Variants in SLC6A17 observed in about 807,000 individuals in gnomAD.
SLC6A17 encodes sodium-dependent neutral amino acid transporter SLC6A17.
Under a neutral mutation model 64.5 loss-of-function variants are expected in SLC6A17, and 21 were observed. That is an observed-to-expected ratio of 0.33 (90% CI 0.23 to 0.47). The LOEUF is 0.47. SLC6A17 is among the 20% of genes least tolerant of loss of function. The pLI is 1.00. For synonymous variants in SLC6A17, 372 were observed against 399.5 expected (o/e 0.93, Z 0.82); for missense variants, 682 against 963.2 (o/e 0.71, Z 3.86).
intron 1 of SLC6A17, among the ~76,000 whole-genome samples, chr1:110,160,265 G>T (rs764442311): frequency 6.6e-6 from 1 of 152,214 alleles, no homozygotes; most frequent in Non-Finnish European, 1.5e-5. Flanking sequence ...GCAGACTTCC[G>T]GTAGGTTCAA....
Position 110,191,981 on chromosome 1 carries a change from A to G in SLC6A17, c.874A>G (p.Met292Val), listed in dbSNP as rs1354701046. The G allele has an allele frequency of 6.8e-6, 11 of 1,613,848 alleles. No homozygotes were observed. Among genetic ancestry groups the G allele is most frequent in the Non-Finnish European group, 9.3e-6 (11 of 1,179,802 alleles). ...LHMFTPKLDKMLDPQVWREAA... is the reference protein window; with the variant it reads ...LHMFTPKLDKVLDPQVWREAA... ...TGGTCTTCTGCCATAGCTGGACAAG[A>G]TGCTGGACCCCCAGGTGTGGCGGGA... The change falls in exon 7 of 12, where the codon ATG becomes GTG. Residue 292 changes from methionine to valine, a missense_variant. Coordinates refer to ENST00000331565, the MANE Select transcript of SLC6A17 (RefSeq NM_001010898.4).
rs1458380973 is a variant in SLC6A17 at position 110,174,864 on chromosome 1, G to C, written c.657G>C (p.Glu219Asp). ...TGGACATCTCTGACTCCATCTCGGA[G>C]AGTGGGGGCCTCAACTGGAAGATGA... ...EALDISDSIS[E>D]SGGLNWKMTL... The change falls in exon 5 of 12, where the codon GAG (glutamate) becomes GAC (aspartate). Residue 219 changes from glutamate (E) to aspartate (D), a missense_variant. Glu to Asp is a conservative substitution (Grantham distance 45). This residue lies in a region of SLC6A17 where 415 missense variants were observed against 603.8 expected (regional missense o/e 0.69). Coordinates refer to ENST00000331565, the MANE Select transcript of SLC6A17 (RefSeq NM_001010898.4). The C allele has an allele frequency of 1.2e-6, 2 of 1,614,216 alleles. No homozygotes were observed. Among genetic ancestry groups the C allele is most frequent in the Admixed American group, 3.3e-5 (2 of 60,030 alleles).
At position 110,200,918 on chromosome 1, in the gene SLC6A17, A is replaced by G. The variant is rs902260236; in HGVS notation, c.*2474A>G. On this transcript the variant is annotated 3_prime_UTR_variant, in exon 12 of 12. Transcript: ENST00000331565. ...GCCTCCTCCTCCTCCTCTTGGCTCT[A>G]TTGGGAGCCTCAGGGCCGGCAGGGT... 2.6e-5 allele frequency: 4 copies of G among 152,150 alleles called. No individual in the cohort carries two copies. The highest frequency in any genetic ancestry group is 7.2e-5 in the African/African-American group (3 of 41,400). 9.4% of individuals were successfully genotyped at this position (152,150 alleles called of 1,614,324 possible).
Position 110,198,386 on chromosome 1 carries a change from C to A in SLC6A17, c.2126C>A (p.Pro709His), listed in dbSNP as rs1381384513. 1.9e-6 allele frequency: 3 copies of A among 1,614,030 alleles called. No homozygotes were observed. Among genetic ancestry groups the A allele is most frequent in the Non-Finnish European group, 2.5e-6 (3 of 1,180,014 alleles). Residue 709 changes from proline (P) to histidine (H), a missense_variant, in exon 12 of 12, where the codon CCC (proline) becomes CAC (histidine). Pro to His is a moderately conservative substitution (Grantham distance 77). Around this residue, in one of 3 missense-constraint regions of SLC6A17, gnomAD observed 264 missense variants for 339.5 expected, o/e 0.78. Coordinates refer to ENST00000331565, the MANE Select transcript of SLC6A17 (RefSeq NM_001010898.4). ...TCACCCCTGGAGACCAGCGGTAACCCCAATGGACGCTATGGGAGCGGCTAC... is the reference window on the plus strand; with the variant it reads ...TCACCCCTGGAGACCAGCGGTAACCACAATGGACGCTATGGGAGCGGCTAC... The part of the protein sequence containing the change: ...STSPLETSGN[P>H]NGRYGSGYLL...
chr1:110,181,691 G>C (rs1199314616), intron 6 of SLC6A17, among the ~76,000 whole-genome samples: 2 of 152,258 alleles, frequency 1.3e-5, no homozygotes, highest in Non-Finnish European at 2.9e-5. Flanking sequence ...GGAACGCCTT[G>C]CTGAGAAGTG....
At chr1:110,175,683 AC>A (rs1296769211) in intron 5 of SLC6A17, among the ~76,000 whole-genome samples, 2 of 152,070 alleles carry the variant, frequency 1.3e-5, no homozygotes, top group African/African-American at 2.4e-5. Context: ...TGCAACTAGA[AC>A]CCTGGCTGTT....
At chr1:110,183,320 A>G (rs1156410536) in intron 6 of SLC6A17, among the ~76,000 whole-genome samples, 1 of 152,238 alleles carries the variant, frequency 6.6e-6, no homozygotes, top group Non-Finnish European at 1.5e-5. Context: ...ACACATTGCA[A>G]CATGCAACTC....
Position 110,176,750 on chromosome 1 carries a change from G to C in SLC6A17, c.864+11G>C. ...ATGTTCACTCCCAAGGTAAGGGTTT[G>C]GGGCTCCCACATGCCAGGGAACAGC... On this transcript the variant is annotated intron_variant, in intron 6 of 11. Coordinates refer to ENST00000331565, the MANE Select transcript of SLC6A17 (RefSeq NM_001010898.4). 2 of 1,608,356 alleles carry C rather than the reference G, an allele frequency of 1.2e-6. No homozygotes were observed. The highest frequency in any genetic ancestry group is 1.7e-6 in the Non-Finnish European group (2 of 1,176,202).
In SLC6A17 at chr1:110,192,082, G is replaced by A. The variant is rs746127164; in HGVS notation, c.975G>A (p.Gln325=). 3.7e-6 allele frequency: 6 copies of A among 1,614,158 alleles called. No homozygotes were observed. The highest frequency in any genetic ancestry group is 3.3e-5 in the Admixed American group (2 of 60,022). ...GVIAFSSYNK[Q]DNNCHFDAAL... ...TTGCCTTCTCCAGCTACAATAAGCA[G>A]GACAACAACTGCCACTTCGATGCCG... Residue 325 remains glutamine, a synonymous_variant, in exon 7 of 12, where the codon CAG becomes CAA. Transcript: ENST00000331565. This position sits in a 1 kb window ranked among gnomAD's most constrained non-coding sequence, Gnocchi z 4.3.
chr1:110,173,239 G>C (rs894942188), intron 3 of SLC6A17, among the ~76,000 whole-genome samples: 2 of 152,224 alleles, frequency 1.3e-5, no homozygotes, highest in Admixed American at 6.5e-5. Context: ...GTGCTCAGGT[G>C]AGACTGATGA....
At chr1:110,194,395 G>A (rs899420613) in intron 8 of SLC6A17, among the ~76,000 whole-genome samples, 184 bp from the exon 9 acceptor site, 1 of 152,202 alleles carries the variant, frequency 6.6e-6, no homozygotes, top group African/African-American at 2.4e-5. Context: ...CTACGTCTAG[G>A]GGATTCCAAT....
chr1:110,156,352 T>G (rs1359851274), intron 1 of SLC6A17, among the ~76,000 whole-genome samples: 1 of 152,210 alleles, frequency 6.6e-6, no homozygotes, highest in African/African-American at 2.4e-5. Flanking sequence ...TCCCAACCAG[T>G]GCCACAGATG....
rs550104363 is a variant in SLC6A17 at position 110,198,008 on chromosome 1, C to T, written c.1816-68C>T. ...CCATGGGTGAGGGCAGGAGAGCAGT[C>T]TTGGAGGGCCTGGGCGGGGAGGGCT... On this transcript the variant is annotated intron_variant, in intron 11 of 11. Coordinates refer to ENST00000331565, the MANE Select transcript of SLC6A17 (RefSeq NM_001010898.4). 6.2e-5 allele frequency: 96 copies of T among 1,548,624 alleles called. No individual in the cohort carries two copies. The South Asian group carries it at 1.2e-3, about 19-fold the overall frequency.
intron 1 of SLC6A17, among the ~76,000 whole-genome samples, chr1:110,166,571 C>A (rs1656061215): frequency 6.6e-6 from 1 of 152,190 alleles, no homozygotes; most frequent in African/African-American, 2.4e-5. Context: ...GGATAATGCT[C>A]TACTTGGGTT....
chr1:110,151,857 C>T (rs1655617980), intron 1 of SLC6A17, among the ~76,000 whole-genome samples: 1 of 151,898 alleles, frequency 6.6e-6, no homozygotes, highest in Admixed American at 6.6e-5. Context: ...ACCAGAGCTA[C>T]CTTTGGGCAA....
intron 2 of SLC6A17, among the ~76,000 whole-genome samples, chr1:110,169,137 GTC>G (rs1202778947): frequency 6.6e-6 from 1 of 152,168 alleles, no homozygotes; most frequent in African/African-American, 2.4e-5. Context: ...TGAGAGTTGA[GTC>G]TGTGCTTTTG....
At position 110,172,414 on chromosome 1, in the gene SLC6A17, A is replaced by G. The variant is rs1193162198; in HGVS notation, c.444+197A>G. 7.3e-6 allele frequency: 5 copies of G among 684,498 alleles called. No homozygotes were observed. The African/African-American group carries it at 9.0e-5, about 12-fold the overall frequency. The allele number at this position is 684,498 out of a possible 1,614,324, so 42.4% of individuals were successfully genotyped here. On this transcript the variant is annotated intron_variant, in intron 3 of 11. Transcript: ENST00000331565. ...ATGTTTCCTAAACTGAGAGTCGACCACGTTGCCTGAAACAGCATGGAAGAT... is the reference window on the plus strand; with the variant it reads ...ATGTTTCCTAAACTGAGAGTCGACCGCGTTGCCTGAAACAGCATGGAAGAT...
chr1:110,171,525 C>T (rs1405813593), intron 2 of SLC6A17, among the ~76,000 whole-genome samples: 26 of 152,146 alleles, frequency 1.7e-4, no homozygotes, highest in South Asian at 2.1e-4. Flanking sequence ...CTGGTCAGAC[C>T]CCCTCTCCCT....
chr1:110,180,806 A>T (rs905056809), intron 6 of SLC6A17, among the ~76,000 whole-genome samples: 1 of 152,170 alleles, frequency 6.6e-6, no homozygotes, highest in African/African-American at 2.4e-5. Flanking sequence ...CCCAGGGGTC[A>T]TGCTGTTTGG....
Sources: allele counts gnomAD v4.1 joint callset (sites outside exome capture counted in the v4.1 genomes callset), GRCh38; gene constraint gnomAD v4.1.1; regional missense constraint gnomAD v4.1.1; non-coding constraint Gnocchi (gnomAD v3.1); transcripts MANE v1.5; gene names NCBI Gene and HGNC (gene_info 2026-07-23, HGNC 2026-07-21).